The following ZDHHC21 variants were observed in gnomAD, a reference collection of about 807,000 sequenced individuals.
The protein encoded by ZDHHC21 is zDHHC palmitoyltransferase 21.
A neutral mutation model predicts 34.6 loss-of-function variants in ZDHHC21; 15 were observed. That is an observed-to-expected ratio of 0.43 (90% CI 0.29 to 0.67). ZDHHC21 has a LOEUF of 0.67. ZDHHC21 is among the 30% of genes least tolerant of loss of function. The probability of loss-of-function intolerance (pLI) is 0.14; values close to 1 mark genes in which losing one functional copy is unlikely to be tolerated. For missense variants in ZDHHC21, 344 were observed against 327.7 expected, an observed-to-expected ratio of 1.05 and a Z score of -0.38; for synonymous variants, 142 against 101.8, an observed-to-expected ratio of 1.40 and a Z score of -2.38.
chr9:14,654,314 C>G (rs1831791672), intron 7 of ZDHHC21, among the ~76,000 whole-genome samples: 2 of 151,946 alleles, frequency 1.3e-5, no homozygotes, highest in Admixed American at 1.3e-4. Flanking sequence ...TATATTAAGA[C>G]CAATGTTCTG....
intron 1 of ZDHHC21, among the ~76,000 whole-genome samples, chr9:14,691,524 T>C (rs145510902): frequency 6.0e-4 from 92 of 152,354 alleles, no homozygotes; most frequent in African/African-American, 2.1e-3. Flanking sequence ...TTATGATTCA[T>C]TGATTCTTGT....
chr9:14,680,869 T>G (rs78795402), intron 2 of ZDHHC21, among the ~76,000 whole-genome samples: 1 of 152,262 alleles, frequency 6.6e-6, no homozygotes, highest in African/African-American at 2.4e-5. Flanking sequence ...GTAAGGATAC[T>G]GGTTCATAGG....
chr9:14,653,506 TA>T (rs535076548), intron 7 of ZDHHC21, among the ~76,000 whole-genome samples: 118 of 152,148 alleles, frequency 7.8e-4, no homozygotes, highest in African/African-American at 2.6e-3. Flanking sequence ...GGAATTTTAC[TA>T]AAGATTTGCC....
At chr9:14,665,206 A>G (rs1422263767) in intron 5 of ZDHHC21, among the ~76,000 whole-genome samples, 5 of 138,520 alleles carry the variant, frequency 3.6e-5, no homozygotes, top group African/African-American at 1.4e-4. Flanking sequence ...AGAATGCAGA[A>G]GCCTCAGGAG....
At chr9:14,662,610 T>C (rs1278092531) in intron 5 of ZDHHC21, among the ~76,000 whole-genome samples, 1 of 152,174 alleles carries the variant, frequency 6.6e-6, no homozygotes, top group African/African-American at 2.4e-5. Context: ...GGGTATACTG[T>C]GAGAATATAA....
At chr9:14,597,294 C>T in the ZDHHC21 span, among the ~76,000 whole-genome samples, 2 of 152,132 alleles carry the variant, frequency 1.3e-5, no homozygotes, top group Admixed American at 6.5e-5. Context: ...TCCACCACAT[C>T]CACCAAGAGG....
chr9:14,683,631 A>T (rs1265359444), intron 2 of ZDHHC21: 1 of 152,222 alleles, frequency 6.6e-6, no homozygotes, highest in African/African-American at 2.4e-5. Context: ...TACAAGGAGG[A>T]GCTGGTACCA....
downstream of ZDHHC21, among the ~76,000 whole-genome samples, chr9:14,608,362 G>C (rs1332724428): frequency 2.6e-5 from 4 of 152,070 alleles, no homozygotes; most frequent in Admixed American, 2.6e-4. Flanking sequence ...TACTAAGAAA[G>C]ATAAATATCA....
At chr9:14,646,883 G>A (rs2133791843) in intron 7 of ZDHHC21, among the ~76,000 whole-genome samples, 1 of 152,088 alleles carries the variant, frequency 6.6e-6, no homozygotes, top group South Asian at 2.1e-4. Flanking sequence ...CAGTATGCAA[G>A]TTTCTTGAAG....
At chr9:14,608,693 T>C (rs541799448), downstream of ZDHHC21, among the ~76,000 whole-genome samples, 2 of 152,098 alleles carry the variant, frequency 1.3e-5, no homozygotes, top group East Asian at 3.9e-4. Flanking sequence ...ATATCCTCTA[T>C]CCTTCCTCAG....
chr9:14,596,606 A>T, the ZDHHC21 span, among the ~76,000 whole-genome samples: 1 of 152,148 alleles, frequency 6.6e-6, no homozygotes, highest in Admixed American at 6.5e-5. Flanking sequence ...AAAACTAGCA[A>T]GAGCTTGACT....
chr9:14,618,797 C>G lies in ZDHHC21; in HGVS notation c.*169G>C, dbSNP rs1824716840. 2 of 599,980 alleles carry G rather than the reference C, an allele frequency of 3.3e-6. No homozygotes were observed. The highest frequency in any genetic ancestry group is 4.3e-5 in the Admixed American group (1 of 23,410). 37.2% of individuals were successfully genotyped at this position (599,980 alleles called of 1,614,324 possible). A position where few individuals can be genotyped will look rare whatever the true frequency, so the allele number is the denominator to read the frequency against. On this transcript the variant is annotated 3_prime_UTR_variant, in exon 10 of 10. Coordinates refer to ENST00000380916, the MANE Select transcript of ZDHHC21 (RefSeq NM_178566.6). ...ACTTAAATATAGATCTTGTATTAGT[C>G]CCACAACAGGATCAAGATCACTATT...
In ZDHHC21 at chr9:14,618,920, C is replaced by T. The variant is rs189118499; in HGVS notation, c.*46G>A. 31 of 1,526,200 alleles carry T rather than the reference C, an allele frequency of 2.0e-5. No homozygotes were observed. The East Asian group carries it at 4.7e-4, about 23-fold the overall frequency. The allele number at this position is 1,526,200 out of a possible 1,614,324, so 94.5% of individuals were successfully genotyped here. Reference sequence around the variant, plus strand: ...AGTTCTATTATCATAAAACCTGTAACGCATTGCCAGCATGGAGGACCCATC... The same window carrying T: ...AGTTCTATTATCATAAAACCTGTAATGCATTGCCAGCATGGAGGACCCATC... On this transcript the variant is annotated 3_prime_UTR_variant, in exon 10 of 10. Coordinates refer to ENST00000380916, the MANE Select transcript of ZDHHC21 (RefSeq NM_178566.6).
At chr9:14,690,815 C>T (rs1839047873) in intron 1 of ZDHHC21, among the ~76,000 whole-genome samples, 1 of 152,110 alleles carries the variant, frequency 6.6e-6, no homozygotes, top group African/African-American at 2.4e-5. Context: ...AAATCACTTT[C>T]AACAATAAAA....
chr9:14,589,803 G>A, the ZDHHC21 span: 1 of 152,210 alleles, frequency 6.6e-6, no homozygotes, highest in Non-Finnish European at 1.5e-5. Flanking sequence ...GAATGATCAA[G>A]CTGATTTGCA....
intron 3 of ZDHHC21, among the ~76,000 whole-genome samples, chr9:14,679,504 A>G (rs1215478836): frequency 6.6e-6 from 1 of 152,320 alleles, no homozygotes; most frequent in South Asian, 2.1e-4. Context: ...AAAAGACTGC[A>G]AGAAAACAGA....
At chr9:14,681,325 TC>T (rs1837332662) in intron 2 of ZDHHC21, among the ~76,000 whole-genome samples, 1 of 152,136 alleles carries the variant, frequency 6.6e-6, no homozygotes, top group Non-Finnish European at 1.5e-5. Context: ...GCTCAAGCAA[TC>T]CTCCTGCCTC....
chr9:14,599,879 A>G, the ZDHHC21 span, among the ~76,000 whole-genome samples: 2 of 152,204 alleles, frequency 1.3e-5, no homozygotes, highest in Non-Finnish European at 2.9e-5. Flanking sequence ...ATAATCCATC[A>G]TATAAACAGA....
intron 2 of ZDHHC21, among the ~76,000 whole-genome samples, chr9:14,687,586 G>A (rs1433170134): frequency 2.7e-5 from 4 of 150,814 alleles, no homozygotes; most frequent in Admixed American, 6.6e-5. Context: ...CACGAGAATC[G>A]CTTGAAGCTT....
Sources: allele counts gnomAD v4.1 joint callset (sites outside exome capture counted in the v4.1 genomes callset), GRCh38; gene constraint gnomAD v4.1.1; transcripts MANE v1.5; gene names NCBI Gene and HGNC (gene_info 2026-07-23, HGNC 2026-07-21).